MTA1: variants seen among roughly 807,000 people sequenced by gnomAD.
MTA1 encodes the protein metastasis associated 1.
Under a neutral mutation model 97.0 loss-of-function variants are expected in MTA1, and 15 were observed. The ratio of observed to expected loss-of-function variants is 0.15; its 90% CI spans 0.10 to 0.24. The LOEUF (loss-of-function observed/expected upper bound fraction) is 0.24. Ranked by LOEUF, MTA1 falls within the 10% of genes least tolerant of loss-of-function variation. MTA1 has a pLI of 1.00. For missense variants in MTA1, 709 were observed against 1,015.1 expected (o/e 0.70, Z 4.10); for synonymous variants, 435 against 417.5 (o/e 1.04, Z -0.51).
intron 8 of MTA1, 120 bp downstream of exon 8, chr14:105,458,492 A>G: frequency 2.3e-6 from 2 of 885,226 alleles, no homozygotes; most frequent in Non-Finnish European, 3.6e-6. Flanking sequence ...CAAGAAGCCC[A>G]TGCGCTGCAG....
intron 2 of MTA1, among the ~76,000 whole-genome samples, chr14:105,441,755 C>T (rs750019245): frequency 1.3e-5 from 2 of 152,098 alleles, no homozygotes; most frequent in Non-Finnish European, 2.9e-5. Context: ...GATCCCGCCA[C>T]TACACTCCAG....
Position 105,470,207 on chromosome 14 carries a change from G to A in MTA1, c.2140G>A (p.Glu714Lys). ...APVNDEPIVI[E>K]D is the part of the protein sequence containing the mutation. Reference sequence around the variant, plus strand: ...CGTCAACGACGAGCCCATCGTCATCGAGGACTAGGGGCCGCCCCCACCTGC... The same window carrying A: ...CGTCAACGACGAGCCCATCGTCATCAAGGACTAGGGGCCGCCCCCACCTGC... Residue 714 changes from glutamate (E) to lysine (K), a missense_variant, in exon 21 of 21, where the codon GAG (glutamate) becomes AAG (lysine). Transcript: ENST00000331320. 6.3e-7 allele frequency: 1 copy of A among 1,592,590 alleles called. No homozygotes were observed. The highest frequency in any genetic ancestry group is 8.5e-7 in the Non-Finnish European group (1 of 1,172,234).
chr14:105,467,059 G>T, intron 18 of MTA1: 1 of 504,034 alleles, frequency 2.0e-6, no homozygotes, highest in Non-Finnish European at 3.6e-6. Flanking sequence ...GCCAGCCTCA[G>T]CTCGTGGGGC....
chr14:105,450,134 G>A lies in MTA1; in HGVS notation c.318G>A (p.Arg106=), dbSNP rs377196632. The A allele has an allele frequency of 8.7e-6, 14 of 1,613,238 alleles. No homozygotes were observed. The highest frequency in any genetic ancestry group is 1.1e-5 in the South Asian group (1 of 91,076). ...PEKLKHQLRH[R]ELFLSRQLES... is the part of the protein sequence containing the mutation. ...AACTAAAGCACCAGCTGCGGCATCG[G>A]GAGCTGTTCCTCTCCCGGCAGCTGG... The change falls in exon 5 of 21, where the codon CGG becomes CGA. Residue 106 remains arginine, a synonymous_variant. Coordinates refer to ENST00000331320, the MANE Select transcript of MTA1 (RefSeq NM_004689.4).
At chr14:105,445,710 A>G (rs782139679) in intron 3 of MTA1, 199 bp downstream of exon 3, 6 of 700,806 alleles carry the variant, frequency 8.6e-6, no homozygotes, top group Non-Finnish European at 7.9e-6. Flanking sequence ...GGCTGGGTGA[A>G]TGAAGTCCTC....
chr14:105,441,744 A>G (rs2082535284), intron 2 of MTA1, among the ~76,000 whole-genome samples: 1 of 152,326 alleles, frequency 6.6e-6, no homozygotes, highest in Non-Finnish European at 1.5e-5. Context: ...CAGTGAGCCG[A>G]GATCCCGCCA....
intron 1 of MTA1, among the ~76,000 whole-genome samples, chr14:105,426,368 C>A (rs868914805): frequency 9.2e-6 from 1 of 108,238 alleles, no homozygotes; most frequent in Non-Finnish European, 1.8e-5. Context: ...AGCGAGACTT[C>A]GTCTCACAAA....
intron 1 of MTA1, among the ~76,000 whole-genome samples, chr14:105,429,334 G>A (rs1405246639): frequency 1.3e-5 from 2 of 152,196 alleles, no homozygotes; most frequent in Non-Finnish European, 2.9e-5. Flanking sequence ...CGCCCAGGCT[G>A]GAGTGCGGTG....
At chr14:105,453,196 G>A (rs2083009079) in intron 6 of MTA1, among the ~76,000 whole-genome samples, 4 of 152,280 alleles carry the variant, frequency 2.6e-5, no homozygotes, top group South Asian at 4.1e-4. Context: ...GGGAAGGGCC[G>A]CGCCTGCTGC....
chr14:105,463,630 G>C lies in MTA1; in HGVS notation c.1076+79G>C. The C allele has an allele frequency of 7.0e-7, 1 of 1,427,726 alleles. No homozygotes were observed. Among genetic ancestry groups the C allele is most frequent in the Non-Finnish European group, 9.8e-7 (1 of 1,019,630 alleles). 88.4% of individuals were successfully genotyped at this position (1,427,726 alleles called of 1,614,324 possible). ...GGGCACAGGGTGCTGGGGCCAGGCG[G>C]GTCCCAAGGAAACTCAAGCTCAGAG... On this transcript the variant is annotated intron_variant, in intron 12 of 20. Transcript: ENST00000331320. The surrounding 1 kb of genome is among the most constrained non-coding windows in gnomAD (Gnocchi z 5.9).
intron 2 of MTA1, 47 bp from the exon 3 acceptor site, chr14:105,445,371 C>G (rs111872805): frequency 1.3e-6 from 2 of 1,575,044 alleles, no homozygotes; most frequent in African/African-American, 2.7e-5. Flanking sequence ...AGCTGTGCAG[C>G]CCGGGTTTGG....
chr14:105,469,551 G>C (rs1311787508), intron 19 of MTA1, 53 bp downstream of exon 19: 7 of 1,596,646 alleles, frequency 4.4e-6, no homozygotes, highest in Non-Finnish European at 5.1e-6. Flanking sequence ...TGAGCTCTCT[G>C]GGGTGTTGGG....
intron 6 of MTA1, 21 bp from the exon 7 acceptor site, chr14:105,454,172 G>A (rs1162054489): frequency 1.3e-6 from 2 of 1,584,076 alleles, no homozygotes; most frequent in Non-Finnish European, 1.7e-6. Context: ...ACGCCTCTCT[G>A]TCTCCTGTGG....
chr14:105,423,594 G>C (rs587697685), intron 1 of MTA1, among the ~76,000 whole-genome samples: 1 of 152,164 alleles, frequency 6.6e-6, no homozygotes, highest in Non-Finnish European at 1.5e-5. Context: ...TTTTAATGTA[G>C]TTTGAAAGGA....
At chr14:105,456,625 C>T (rs1054195394) in intron 7 of MTA1, among the ~76,000 whole-genome samples, 1 of 152,246 alleles carries the variant, frequency 6.6e-6, no homozygotes. Context: ...AAATTGCACA[C>T]TAGTTGTGCA....
intron 7 of MTA1, among the ~76,000 whole-genome samples, chr14:105,455,985 AGAGGCCGCTGTGCT>A (rs2083135444): frequency 1.4e-5 from 2 of 145,748 alleles, no homozygotes; most frequent in Non-Finnish European, 3.0e-5. Context: ...CTGAGTGTGG[AGAGGCCGCTGTGCT>A]GAGGCCTGTG....
chr14:105,464,134 C>T lies in MTA1; in HGVS notation c.1179C>T (p.Cys393=), dbSNP rs781814604. Residue 393 remains cysteine (C), a synonymous_variant, in exon 13 of 21, where the codon TGC becomes TGT. Coordinates refer to ENST00000331320, the MANE Select transcript of MTA1 (RefSeq NM_004689.4). ...AGAGCCCTGGGGCTGGCCGGGCCTG[C>T]GAGAGCTGTTACAGTAAGTGCCCTG... ...PGQSPGAGRA[C]ESCYTTQSYQ... The T allele has an allele frequency of 1.7e-5, 27 of 1,609,748 alleles. No homozygotes were observed. Among genetic ancestry groups the T allele is most frequent in the Admixed American group, 1.4e-4 (8 of 58,902 alleles).
chr14:105,441,742 C>A (rs587689811), intron 2 of MTA1, among the ~76,000 whole-genome samples: 4 of 152,132 alleles, frequency 2.6e-5, no homozygotes, highest in Admixed American at 1.3e-4. Context: ...TGCAGTGAGC[C>A]GAGATCCCGC....
At position 105,424,807 on chromosome 14, in the gene MTA1, T is replaced by C. The variant is rs1465890757; in HGVS notation, c.28+4744T>C. ...CACGGTGCCTGGCCCCATATTGTTC[T>C]GAGTGGAGAATTTGATCGTTAAGCT... On this transcript the variant is annotated intron_variant, in intron 1 of 20. Coordinates refer to ENST00000331320, the MANE Select transcript of MTA1 (RefSeq NM_004689.4). The surrounding 1 kb of genome is among the most constrained non-coding windows in gnomAD (Gnocchi z 4.0). Among the ~76,000 whole-genome samples the C allele has an allele frequency of 1.3e-5, 2 of 152,212 alleles. No individual in the cohort carries two copies. Among genetic ancestry groups the C allele is most frequent in the Non-Finnish European group, 2.9e-5 (2 of 68,034 alleles).
Sources: allele counts gnomAD v4.1 joint callset (sites outside exome capture counted in the v4.1 genomes callset), GRCh38; gene constraint gnomAD v4.1.1; non-coding constraint Gnocchi (gnomAD v3.1); transcripts MANE v1.5; gene names NCBI Gene and HGNC (gene_info 2026-07-23, HGNC 2026-07-21).